CFAP92: variants seen among roughly 807,000 people sequenced by gnomAD.
CFAP92 encodes the protein uncharacterized protein CFAP92.
In CFAP92, 86 loss-of-function variants were observed where a neutral mutation model predicts 106.3. That is an observed-to-expected ratio of 0.81 (90% CI 0.68 to 0.97). The LOEUF (loss-of-function observed/expected upper bound fraction) is 0.97, where lower values mean the gene tolerates loss of function less well. Among genes scored for constraint, CFAP92 ranks in the 50% least tolerant of loss-of-function variants. CFAP92 has a pLI of 0.00. For missense variants in CFAP92, 1,204 were observed against 1,283.8 expected (o/e 0.94, Z 0.95); for synonymous variants, 477 against 506.4 (o/e 0.94, Z 0.78).
At position 128,910,471 on chromosome 3, in the gene CFAP92, C is replaced by T. The variant is rs558215947; in HGVS notation, c.3281-138G>A. On this transcript the variant is annotated intron_variant, in intron 15 of 15. Transcript: ENST00000645291. ...CTGAGGACCCACTGTATACCAGGAT[C>T]TCTGCCTGCACTTTCCAGAGCACCT... The T allele has an allele frequency of 8.8e-4, 770 of 875,014 alleles. 1 individual carries two copies. Among genetic ancestry groups the T allele is most frequent in the Non-Finnish European group, 1.2e-3 (703 of 577,900 alleles). The allele number at this position is 875,014 out of a possible 1,614,324, so 54.2% of individuals were successfully genotyped here.
the CFAP92 span, among the ~76,000 whole-genome samples, chr3:129,012,121 C>T: frequency 2.6e-5 from 4 of 152,378 alleles, no homozygotes; most frequent in East Asian, 5.8e-4. Flanking sequence ...TGACCTGCCT[C>T]ATCTGCTAAC....
At chr3:128,996,665 A>C (rs1944490858), upstream of CFAP92, among the ~76,000 whole-genome samples, 1 of 152,240 alleles carries the variant, frequency 6.6e-6, no homozygotes, top group Non-Finnish European at 1.5e-5. Context: ...GGTGTCAAAC[A>C]AACACTTGTT....
At chr3:128,914,967 T>C (rs1936683733) in intron 15 of CFAP92, 152 bp downstream of exon 15, 2 of 729,430 alleles carry the variant, frequency 2.7e-6, no homozygotes, top group East Asian at 5.4e-5. Flanking sequence ...AATCTCTTTT[T>C]TCAGACCCAT....
At chr3:129,004,379 CCACCCATCCAT>C (rs1944971114), upstream of CFAP92, among the ~76,000 whole-genome samples, 1 of 138,356 alleles carries the variant, frequency 7.2e-6, no homozygotes, top group Admixed American at 7.2e-5. Context: ...CCCCCCCCAC[CCACCCATCCAT>C]CCACTCACCC....
intron 4 of CFAP92, chr3:128,978,438 C>T (rs949595412): frequency 1.3e-5 from 4 of 298,458 alleles, no homozygotes; most frequent in African/African-American, 2.2e-5. Flanking sequence ...TAAAAAATAC[C>T]TTATTGGGGC....
upstream of CFAP92, chr3:128,994,108 G>T (rs115978811): frequency 2.0e-3 from 1,968 of 985,752 alleles, 31 homozygotes; most frequent in African/African-American, 0.032. Context: ...AGGGAGGGCC[G>T]CAGGCCCAGC....
At position 128,965,493 on chromosome 3, in the gene CFAP92, G is replaced by C. The variant is rs1206067183; in HGVS notation, c.1353+18C>G. On this transcript the variant is annotated intron_variant, in intron 9 of 15. Transcript: ENST00000645291. ...AAGGGGAGGAGCTCTAAACTCCATG[G>C]GTCCGGCTCATTCTTACCTCTAGTT... The C allele has an allele frequency of 7.5e-6, 3 of 398,822 alleles. No individual in the cohort carries two copies. The highest frequency in any genetic ancestry group is 6.2e-5 in the African/African-American group (3 of 48,590). The allele number at this position is 398,822 out of a possible 1,614,324, so 24.7% of individuals were successfully genotyped here. A position where few individuals can be genotyped will look rare whatever the true frequency, so the allele number is the denominator to read the frequency against.
chr3:128,918,540 G>C (rs754054085), intron 12 of CFAP92, among the ~76,000 whole-genome samples: 6 of 152,174 alleles, frequency 3.9e-5, no homozygotes, highest in Non-Finnish European at 2.9e-5. Context: ...CATGCAGGAG[G>C]ATTCAAGGTT....
chr3:128,993,917 C>G (rs1401338714), intron 1 of CFAP92, 63 bp downstream of exon 1: 1 of 979,852 alleles, frequency 1.0e-6, no homozygotes, highest in East Asian at 1.1e-4. Flanking sequence ...CGGGAAGAGT[C>G]CCGGGCTGCG....
intron 12 of CFAP92, among the ~76,000 whole-genome samples, chr3:128,929,722 A>C (rs540007989): frequency 4.9e-4 from 75 of 152,356 alleles, no homozygotes; most frequent in African/African-American, 1.8e-3. Flanking sequence ...AGACAAGTCA[A>C]ATCTATCAAG....
At chr3:129,008,213 T>C in the CFAP92 span, among the ~76,000 whole-genome samples, 1 of 152,164 alleles carries the variant, frequency 6.6e-6, no homozygotes, top group African/African-American at 2.4e-5. Flanking sequence ...CCAAGACCAA[T>C]AGGTGGAATA....
chr3:129,003,882 G>T, upstream of CFAP92: 1 of 1,403,662 alleles, frequency 7.1e-7, no homozygotes, highest in Non-Finnish European at 9.3e-7. Flanking sequence ...CAGGCGCAGG[G>T]CGCCCTGGCT....
intron 1 of CFAP92, chr3:129,001,892 G>C: frequency 1.3e-6 from 2 of 1,539,098 alleles, no homozygotes; most frequent in Non-Finnish European, 1.8e-6. Flanking sequence ...TGCTGGGGCT[G>C]CGCGCGGAGG....
chr3:128,922,329 C>G (rs1937360974), intron 12 of CFAP92, among the ~76,000 whole-genome samples: 1 of 149,968 alleles, frequency 6.7e-6, no homozygotes, highest in African/African-American at 2.5e-5. Context: ...GGCAATAGAG[C>G]AAGGCTCCAT....
the CFAP92 span, among the ~76,000 whole-genome samples, chr3:129,016,665 G>A: frequency 6.6e-6 from 1 of 152,108 alleles, no homozygotes; most frequent in Non-Finnish European, 1.5e-5. Flanking sequence ...TGCAGGCATG[G>A]CTGTAGATGG....
At chr3:129,002,435 GGCA>G in intron 1 of CFAP92, 1 of 1,413,666 alleles carries the variant, frequency 7.1e-7, no homozygotes, top group Non-Finnish European at 9.2e-7. Flanking sequence ...GGAGACAGAG[GGCA>G]GCCCCACACC....
intron 12 of CFAP92, among the ~76,000 whole-genome samples, chr3:128,921,659 G>T (rs1299024856): frequency 6.6e-6 from 1 of 152,212 alleles, no homozygotes; most frequent in Non-Finnish European, 1.5e-5. Context: ...TCAATCAACA[G>T]AAAAGTCCCA....
chr3:128,962,648 T>A (rs1474603558), intron 9 of CFAP92, among the ~76,000 whole-genome samples: 2 of 151,986 alleles, frequency 1.3e-5, no homozygotes, highest in East Asian at 1.9e-4. Context: ...CCCCTTACCA[T>A]CTCATTAAAA....
chr3:128,991,971 C>CA (rs1234715677), intron 2 of CFAP92: 1 of 732,164 alleles, frequency 1.4e-6, no homozygotes, highest in Admixed American at 6.3e-5. Context: ...GGGAGACACT[C>CA]AAAGACTTGA....
Sources: gnomAD v4.1 joint callset for allele counts (sites outside exome capture counted in the v4.1 genomes callset) on GRCh38, gnomAD v4.1.1 for gene constraint, MANE v1.5 for transcripts, NCBI Gene and HGNC (gene_info 2026-07-23, HGNC 2026-07-21) for gene names.